The following BAHCC1 variants were observed in gnomAD, a reference collection of about 807,000 sequenced individuals.
BAHCC1 encodes BAH and coiled-coil domain-containing protein 1.
In BAHCC1, 43 loss-of-function variants were observed where a neutral mutation model predicts 88.2. That is an observed-to-expected ratio of 0.49 (90% CI 0.38 to 0.63). The LOEUF (loss-of-function observed/expected upper bound fraction) is 0.63. BAHCC1 is among the 20% of genes least tolerant of loss of function. The pLI is 0.00. For missense variants in BAHCC1, 3,023 were observed against 1,654.8 expected (o/e 1.83, Z -14.34); for synonymous variants, 1,510 against 745.5 (o/e 2.03, Z -16.71).
In BAHCC1 at chr17:81,442,859, G is replaced by C. The variant is rs1200588998; in HGVS notation, c.1510G>C (p.Ala504Pro). 4 of 779,362 alleles carry C rather than the reference G, an allele frequency of 5.1e-6. No individual in the cohort carries two copies. Among genetic ancestry groups the C allele is most frequent in the Non-Finnish European group, 9.6e-6 (4 of 417,914 alleles). The allele number at this position is 779,362 out of a possible 1,614,324, so 48.3% of individuals were successfully genotyped here. A position where few individuals can be genotyped will look rare whatever the true frequency, so the allele number is the denominator to read the frequency against. The change falls in exon 5 of 28, where the codon GCC becomes CCC. Residue 504 changes from alanine to proline, a missense_variant. Ala to Pro is a conservative substitution (Grantham distance 27). Transcript: ENST00000675386. The part of the protein sequence containing the change: ...FELPTSSQDC[A>P]RPGHQDPLGG... ...GTTGCCCACCTCTTCACAGGACTGTGCCCGGCCTGGTCACCAGGACCCGCT... is the reference window on the plus strand; with the variant it reads ...GTTGCCCACCTCTTCACAGGACTGTCCCCGGCCTGGTCACCAGGACCCGCT...
In BAHCC1 at chr17:81,444,579, C is replaced by G; in HGVS notation, c.2512+11C>G. On this transcript the variant is annotated intron_variant, in intron 7 of 27. Coordinates refer to ENST00000675386, the MANE Select transcript of BAHCC1 (RefSeq NM_001377448.1). ...GGGGGCACTCCTACGGTCAGTGATC[C>G]AAGGGCGGGGGCTGGCCTGGGGCTG... is the stretch of plus-strand genomic sequence containing the variant. 1 of 734,490 alleles carries G rather than the reference C, an allele frequency of 1.4e-6. No homozygotes were observed. The allele number at this position is 734,490 out of a possible 1,614,324, so 45.5% of individuals were successfully genotyped here. A position where few individuals can be genotyped will look rare whatever the true frequency, so the allele number is the denominator to read the frequency against.
intron 4 of BAHCC1, among the ~76,000 whole-genome samples, chr17:81,438,732 C>G (rs2064372243): frequency 6.6e-6 from 1 of 152,174 alleles, no homozygotes; most frequent in Non-Finnish European, 1.5e-5. Context: ...CAAGACCTCT[C>G]ACTGCTCAGG....
chr17:81,397,112 G>C (rs2143129985), intron 1 of BAHCC1: 1 of 152,398 alleles, frequency 6.6e-6, no homozygotes, highest in South Asian at 2.1e-4. Flanking sequence ...CCGAAGCCCG[G>C]CGCGGGCAGA....
Position 81,442,127 on chromosome 17 carries a change from G to A in BAHCC1, c.778G>A (p.Gly260Arg), listed in dbSNP as rs781969649. Residue 260 changes from glycine to arginine, a missense_variant, in exon 5 of 28, where the codon GGG (glycine) becomes AGG (arginine). Coordinates refer to ENST00000675386, the MANE Select transcript of BAHCC1 (RefSeq NM_001377448.1). ...HKLVLPVPAD[G>R]HCREGGPAPR... ...GCTGGTGCTGCCCGTGCCAGCCGAC[G>A]GGCACTGCAGGGAGGGCGGCCCCGC... 1.3e-5 allele frequency: 9 copies of A among 673,120 alleles called. No homozygotes were observed. The highest frequency in any genetic ancestry group is 1.8e-5 in the African/African-American group (1 of 54,208). The allele number at this position is 673,120 out of a possible 1,614,324, so 41.7% of individuals were successfully genotyped here.
rs536690906 is a variant in BAHCC1 at position 81,461,551 on chromosome 17, C to T, written c.6888C>T (p.Asp2296=). 20 of 725,068 alleles carry T rather than the reference C, an allele frequency of 2.8e-5. No individual in the cohort carries two copies. The highest frequency in any genetic ancestry group is 5.2e-5 in the African/African-American group (3 of 57,868). The allele number at this position is 725,068 out of a possible 1,614,324, so 44.9% of individuals were successfully genotyped here. A position where few individuals can be genotyped will look rare whatever the true frequency, so the allele number is the denominator to read the frequency against. ...SDCHSSFSDE[D]EDGPGLAAGV... is the part of the protein sequence containing the mutation. ...GCCACAGCTCCTTCTCGGACGAGGACGAGGACGGGCCGGGGCTGGCGGCCG... is the reference window on the plus strand; with the variant it reads ...GCCACAGCTCCTTCTCGGACGAGGATGAGGACGGGCCGGGGCTGGCGGCCG... The change falls in exon 26 of 28, where the codon GAC becomes GAT. Residue 2296 remains aspartate, a synonymous_variant. Transcript: ENST00000675386.
At position 81,443,937 on chromosome 17, in the gene BAHCC1, C is replaced by T. The variant is rs1368181134; in HGVS notation, c.2324+20C>T. On this transcript the variant is annotated intron_variant, in intron 6 of 27. Coordinates refer to ENST00000675386, the MANE Select transcript of BAHCC1 (RefSeq NM_001377448.1). ...GCTGCAGTGAGAGCTGGGCCTGTGG[C>T]CCTGGAGAGTGGGGCTAGGCCTGGG... is the stretch of plus-strand genomic sequence containing the variant. 2 of 707,120 alleles carry T rather than the reference C, an allele frequency of 2.8e-6. No homozygotes were observed. Among genetic ancestry groups the T allele is most frequent in the Non-Finnish European group, 5.2e-6 (2 of 384,554 alleles). The allele number at this position is 707,120 out of a possible 1,614,324, so 43.8% of individuals were successfully genotyped here.
intron 2 of BAHCC1, chr17:81,407,457 C>G: frequency 5.9e-6 from 3 of 512,060 alleles, no homozygotes; most frequent in Non-Finnish European, 1.2e-5. Context: ...ACTTCTGCAA[C>G]CAGGGGCGCC....
chr17:81,461,740 G>A lies in BAHCC1; in HGVS notation c.7077G>A (p.Gln2359=), dbSNP rs566996698. The A allele has an allele frequency of 7.2e-5, 52 of 718,244 alleles. No individual in the cohort carries two copies. The highest frequency in any genetic ancestry group is 4.6e-4 in the Middle Eastern group (2 of 4,388). 44.5% of individuals were successfully genotyped at this position (718,244 alleles called of 1,614,324 possible). A position where few individuals can be genotyped will look rare whatever the true frequency, so the allele number is the denominator to read the frequency against. ...ACGAGGACCCGGCTCTGCTGCTGCAGACCTGCCTCACCCACCCCGTGCCCA... is the reference window on the plus strand; with the variant it reads ...ACGAGGACCCGGCTCTGCTGCTGCAAACCTGCCTCACCCACCCCGTGCCCA... ...SDDEDPALLL[Q]TCLTHPVPTL... Residue 2359 remains glutamine, a synonymous_variant, in exon 26 of 28, where the codon CAG becomes CAA. Coordinates refer to ENST00000675386, the MANE Select transcript of BAHCC1 (RefSeq NM_001377448.1).
At chr17:81,410,072 C>T (rs1256476638) in intron 2 of BAHCC1, 2 of 374,490 alleles carry the variant, frequency 5.3e-6, no homozygotes, top group African/African-American at 2.1e-5. Flanking sequence ...TGGGCAGTTG[C>T]CCTGCCCTGC....
At position 81,411,510 on chromosome 17, in the gene BAHCC1, GCCTGCCTTCCTT is replaced by G. The variant is rs1354477836; in HGVS notation, c.178+11597_178+11608del. ...TGCCTGCCTGCCTGCCTGCCTGCCTGCCTGCCTTCCTTCCTTCCTTCCTTCCTTCCTTCCTTC... is the reference window on the plus strand; with the variant it reads ...TGCCTGCCTGCCTGCCTGCCTGCCTGCCTTCCTTCCTTCCTTCCTTCCTTC... On this transcript the variant is annotated intron_variant, in intron 2 of 27. Transcript: ENST00000675386. The surrounding 1 kb of genome is among the most constrained non-coding windows in gnomAD (Gnocchi z 6.2). The G allele has an allele frequency of 2.8e-3, 669 of 240,822 alleles. 3 individuals are homozygous for G. The highest frequency in any genetic ancestry group is 0.017 in the African/African-American group (424 of 25,054). The allele number at this position is 240,822 out of a possible 1,614,324, so 14.9% of individuals were successfully genotyped here.
chr17:81,416,079 C>A (rs544428089), intron 2 of BAHCC1, among the ~76,000 whole-genome samples: 2 of 124,842 alleles, frequency 1.6e-5, no homozygotes, highest in Non-Finnish European at 3.3e-5. Flanking sequence ...GGTGTATGTG[C>A]GTGTGTGCGT....
chr17:81,461,351 G>T lies in BAHCC1; in HGVS notation c.6688G>T (p.Asp2230Tyr). The change falls in exon 26 of 28, where the codon GAC (aspartate) becomes TAC (tyrosine). Residue 2230 changes from aspartate to tyrosine, a missense_variant. Transcript: ENST00000675386. Reference sequence around the variant, plus strand: ...GACCTGCAAGGCGTTGCTCATGGGGGACAAGGACTTCAGCCCCAAGCTCGG... The same window carrying T: ...GACCTGCAAGGCGTTGCTCATGGGGTACAAGGACTTCAGCCCCAAGCTCGG... The part of the protein sequence containing the change: ...NKTCKALLMG[D>Y]KDFSPKLGRP... 1 of 730,516 alleles carries T rather than the reference G, an allele frequency of 1.4e-6. No homozygotes were observed. The allele number at this position is 730,516 out of a possible 1,614,324, so 45.3% of individuals were successfully genotyped here. A position where few individuals can be genotyped will look rare whatever the true frequency, so the allele number is the denominator to read the frequency against.
intron 2 of BAHCC1, among the ~76,000 whole-genome samples, chr17:81,415,935 C>G (rs570931447): frequency 1.2e-4 from 18 of 151,550 alleles, no homozygotes; most frequent in African/African-American, 4.4e-4. Flanking sequence ...CCATGGGCCT[C>G]ACACCTCCAG....
intron 3 of BAHCC1, among the ~76,000 whole-genome samples, chr17:81,430,786 C>T (rs1490224217): frequency 6.6e-6 from 1 of 152,144 alleles, no homozygotes; most frequent in Admixed American, 6.5e-5. Context: ...CCTCGGTTTC[C>T]TCGGTGGCTA....
chr17:81,410,043 A>G, intron 2 of BAHCC1: 1 of 343,502 alleles, frequency 2.9e-6, no homozygotes, highest in Non-Finnish European at 6.1e-6. Flanking sequence ...CCCTGAGTCT[A>G]GGCCTCCTAC....
chr17:81,418,816 T>TGTGTGTGTAC (rs1568003492), intron 2 of BAHCC1, among the ~76,000 whole-genome samples: 28 of 151,610 alleles, frequency 1.8e-4, no homozygotes, highest in Admixed American at 1.1e-3. Flanking sequence ...TGTACGTGTG[T>TGTGTGTGTAC]GTGTGTGTGT....
Position 81,444,435 on chromosome 17 carries a change from TG to T in BAHCC1, c.2383del (p.Asp795ThrfsTer7). 1.3e-6 allele frequency: 1 copy of T among 745,910 alleles called. No homozygotes were observed. Among genetic ancestry groups the T allele is most frequent in the Non-Finnish European group, 2.5e-6 (1 of 402,426 alleles). The allele number at this position is 745,910 out of a possible 1,614,324, so 46.2% of individuals were successfully genotyped here. The stretch of plus-strand genomic sequence containing the variant: ...GGATCCACCCACCGAGCAGCTGCCC[TG>T]GGGACCTGGCCCCCCACCTCATGAT... Reference protein sequence around the residue: ...ARIHPPSSCPGDLAPHLMMQS... With the variant: ...ARIHPPSSCPXDLAPHLMMQS... On this transcript the variant is annotated frameshift_variant, in exon 7 of 28. Coordinates refer to ENST00000675386, the MANE Select transcript of BAHCC1 (RefSeq NM_001377448.1). LOFTEE classifies it high-confidence loss of function.
At chr17:81,440,682 C>A (rs1434355246) in intron 4 of BAHCC1, among the ~76,000 whole-genome samples, 1 of 152,140 alleles carries the variant, frequency 6.6e-6, no homozygotes, top group African/African-American at 2.4e-5. Context: ...GAGCTTGGGG[C>A]AGACCCTAGC....
chr17:81,463,658 C>T lies in BAHCC1; in HGVS notation c.7668C>T (p.Thr2556=). The part of the protein sequence containing the change: ...SCHEDENDVQ[T]ISHKCQVVAR... Reference sequence around the variant, plus strand: ...ACGAGGATGAGAACGACGTGCAGACCATCTCCCACAAGTGCCAGGTCGTGG... The same window carrying T: ...ACGAGGATGAGAACGACGTGCAGACTATCTCCCACAAGTGCCAGGTCGTGG... The change falls in exon 28 of 28, where the codon ACC becomes ACT. Residue 2556 remains threonine, a synonymous_variant. Transcript: ENST00000675386. The T allele has an allele frequency of 1.3e-6, 1 of 779,706 alleles. No homozygotes were observed. Among genetic ancestry groups the T allele is most frequent in the Non-Finnish European group, 2.4e-6 (1 of 417,898 alleles). The allele number at this position is 779,706 out of a possible 1,614,324, so 48.3% of individuals were successfully genotyped here. A position where few individuals can be genotyped will look rare whatever the true frequency, so the allele number is the denominator to read the frequency against.
Sources: gnomAD v4.1 joint callset for allele counts (sites outside exome capture counted in the v4.1 genomes callset) on GRCh38, gnomAD v4.1.1 for gene constraint, Gnocchi (gnomAD v3.1) non-coding constraint, MANE v1.5 for transcripts, NCBI Gene and HGNC (gene_info 2026-07-23, HGNC 2026-07-21) for gene names.